The following CDH13 variants were observed in gnomAD, a reference collection of about 807,000 sequenced individuals.
CDH13 encodes cadherin-13.
A neutral mutation model predicts 63.8 loss-of-function variants in CDH13; 24 were observed. The observed-to-expected ratio is 0.38, with a 90% CI of 0.27 to 0.53. The LOEUF (loss-of-function observed/expected upper bound fraction) is 0.53. CDH13 is among the 20% of genes least tolerant of loss of function. CDH13 has a pLI of 0.85. For missense variants in CDH13, 1,049 were observed against 903.1 expected (o/e 1.16, Z -2.07); for synonymous variants, 503 against 355.3 (o/e 1.42, Z -4.67).
intron 7 of CDH13, among the ~76,000 whole-genome samples, chr16:83,550,349 A>G (rs183819218): frequency 1.3e-5 from 2 of 152,362 alleles, no homozygotes; most frequent in East Asian, 3.9e-4. Flanking sequence ...ACGTCTGGCA[A>G]AGCTTTCCAG....
intron 1 of CDH13, among the ~76,000 whole-genome samples, chr16:82,767,783 T>G (rs726122): frequency 0.08 from 12,143 of 152,246 alleles, 601 homozygotes; most frequent in East Asian, 0.23. Context: ...CATTAACTGT[T>G]GATGTTGTCA....
intron 6 of CDH13, among the ~76,000 whole-genome samples, chr16:83,394,420 C>T (rs2091846021): frequency 6.6e-6 from 1 of 152,082 alleles, no homozygotes; most frequent in African/African-American, 2.4e-5. Context: ...GCAGGCCAGA[C>T]AGAGGCAACA....
At chr16:83,286,446 T>A (rs185601700) in intron 5 of CDH13, among the ~76,000 whole-genome samples, 2 of 152,098 alleles carry the variant, frequency 1.3e-5, no homozygotes, top group African/African-American at 2.4e-5. Context: ...CAAATTTGGG[T>A]GATAGAAGTT....
At chr16:83,669,029 G>C (rs1914260788) in intron 8 of CDH13, among the ~76,000 whole-genome samples, 1 of 152,294 alleles carries the variant, frequency 6.6e-6, no homozygotes, top group South Asian at 2.1e-4. Flanking sequence ...CTACATATTG[G>C]AATTATCTAG....
At chr16:82,854,856 C>G (rs905477549) in intron 1 of CDH13, among the ~76,000 whole-genome samples, 7 of 152,126 alleles carry the variant, frequency 4.6e-5, no homozygotes, top group Non-Finnish European at 8.8e-5. Context: ...CTTTTTGAGA[C>G]CATAATTATA....
chr16:83,605,139 A>C (rs528119862), intron 8 of CDH13, among the ~76,000 whole-genome samples: 1 of 152,244 alleles, frequency 6.6e-6, no homozygotes, highest in Non-Finnish European at 1.5e-5. Flanking sequence ...CAGCAAAAGC[A>C]CACACATTTT....
intron 3 of CDH13, among the ~76,000 whole-genome samples, chr16:83,090,229 G>A (rs145217835): frequency 6.6e-6 from 1 of 152,148 alleles, no homozygotes; most frequent in Non-Finnish European, 1.5e-5. Context: ...CCAGTCTACA[G>A]CATGTTCCCT....
At chr16:83,000,574 CT>C (rs561787532) in intron 2 of CDH13, among the ~76,000 whole-genome samples, 13,913 of 127,564 alleles carry the variant, frequency 0.11, 627 homozygotes, top group African/African-American at 0.14. Context: ...TTTCTTTTCT[CT>C]TTTTTTTTTT....
intron 5 of CDH13, among the ~76,000 whole-genome samples, chr16:83,237,242 A>G (rs959504737): frequency 2.6e-5 from 4 of 152,210 alleles, no homozygotes; most frequent in African/African-American, 9.6e-5. Context: ...GTCTCAGCAA[A>G]GAGCTGAGTG....
intron 7 of CDH13, among the ~76,000 whole-genome samples, chr16:83,537,541 T>C (rs895891929): frequency 2.7e-5 from 4 of 149,600 alleles, no homozygotes; most frequent in African/African-American, 7.7e-5. Flanking sequence ...AAGGAACCAT[T>C]TGCTCACACT....
Position 82,682,564 on chromosome 16 carries a change from T to C in CDH13, c.45+55427T>C, listed in dbSNP as rs16958224. ...AAGTATGAAAGTTAATTTCGGTATT[T>C]AATAATCATTAAGTAAAGAGAGAGT... On this transcript the variant is annotated intron_variant, in intron 1 of 13. Transcript: ENST00000567109. Among the ~76,000 whole-genome samples, 4,076 of 152,330 alleles carry C rather than the reference T, an allele frequency of 0.027. 326 individuals are homozygous for C. The East Asian group carries it at 0.32, about 12-fold the overall frequency.
chr16:83,631,593 G>A (rs1429128431), intron 8 of CDH13, among the ~76,000 whole-genome samples: 1 of 152,054 alleles, frequency 6.6e-6, no homozygotes, highest in Admixed American at 6.6e-5. Context: ...AAAATGGCAA[G>A]CTCCCCAAAG....
chr16:83,006,928 G>GTT (rs1354618729), intron 2 of CDH13, among the ~76,000 whole-genome samples: 13 of 128,076 alleles, frequency 1.0e-4, no homozygotes, highest in Middle Eastern at 4.3e-3. Flanking sequence ...TTGTTTGTTT[G>GTT]TTTGTTTTTT....
chr16:82,966,584 A>G (rs1907869849), intron 2 of CDH13, among the ~76,000 whole-genome samples: 1 of 152,222 alleles, frequency 6.6e-6, no homozygotes, highest in Non-Finnish European at 1.5e-5. Flanking sequence ...TGTTCTGGAA[A>G]TCTGTCTTTT....
chr16:83,303,803 C>A (rs1019867848), intron 5 of CDH13, among the ~76,000 whole-genome samples: 6 of 152,120 alleles, frequency 3.9e-5, no homozygotes, highest in Admixed American at 1.3e-4. Flanking sequence ...ATCCCCAATA[C>A]CAGAATTAAA....
chr16:82,653,575 T>C (rs1427168780), intron 1 of CDH13, among the ~76,000 whole-genome samples: 1 of 151,884 alleles, frequency 6.6e-6, no homozygotes, highest in South Asian at 2.1e-4. Flanking sequence ...CAGTTCATGC[T>C]TGGGGGAAGC....
At chr16:83,123,881 T>C (rs2035696228) in intron 3 of CDH13, among the ~76,000 whole-genome samples, 1 of 152,084 alleles carries the variant, frequency 6.6e-6, no homozygotes, top group South Asian at 2.1e-4. Context: ...GTTTAAGACT[T>C]TTTAATCATA....
chr16:83,650,654 C>T (rs1046133878), intron 8 of CDH13, among the ~76,000 whole-genome samples: 2 of 152,320 alleles, frequency 1.3e-5, no homozygotes, highest in Non-Finnish European at 1.5e-5. Context: ...AAGGATGCTG[C>T]TCAGCATCTC....
chr16:82,660,773 G>A (rs1911844770), intron 1 of CDH13, among the ~76,000 whole-genome samples: 2 of 152,136 alleles, frequency 1.3e-5, no homozygotes, highest in Non-Finnish European at 2.9e-5. Flanking sequence ...AGCATGGCGG[G>A]TGGTTTTCTT....
Sources: gnomAD v4.1 joint callset for allele counts (sites outside exome capture counted in the v4.1 genomes callset) on GRCh38, gnomAD v4.1.1 for gene constraint, MANE v1.5 for transcripts, NCBI Gene and HGNC (gene_info 2026-07-23, HGNC 2026-07-21) for gene names.